The following TAPBPL variants were observed in gnomAD, a reference collection of about 807,000 sequenced individuals.
TAPBPL encodes tapasin-related protein.
A neutral mutation model predicts 44.8 loss-of-function variants in TAPBPL; 32 were observed. That is an observed-to-expected ratio of 0.71 (90% CI 0.54 to 0.96). The LOEUF (loss-of-function observed/expected upper bound fraction) is 0.96, where lower values mean the gene tolerates loss of function less well. TAPBPL is among the 40% of genes least tolerant of loss of function. TAPBPL has a pLI of 0.00. For synonymous variants in TAPBPL, 230 were observed against 240.7 expected (o/e 0.96, Z 0.41); for missense variants, 520 against 586.6 (o/e 0.89, Z 1.17).
chr12:6,460,849 C>G lies in TAPBPL; in HGVS notation c.1208-6C>G. On this transcript the variant is annotated splice_region_variant and splice_polypyrimidine_tract_variant and intron_variant, in intron 5 of 6. Transcript: ENST00000266556. ...TGATCCCCGCCCACGTTGCTCTCAC[C>G]TACAGAGCGGAGAACAGCCTTGGGA... 1 of 1,614,044 alleles carries G rather than the reference C, an allele frequency of 6.2e-7. No homozygotes were observed. Among genetic ancestry groups the G allele is most frequent in the South Asian group, 1.1e-5 (1 of 91,078 alleles).
At chr12:6,465,878 G>T (rs2072375), downstream of TAPBPL, 493,908 of 1,613,972 alleles carry the variant, frequency 0.31, 76,953 homozygotes, top group South Asian at 0.35. Flanking sequence ...TCTTTAGCTT[G>T]GCAGCACTGC....
intron 3 of TAPBPL, among the ~76,000 whole-genome samples, chr12:6,454,929 A>G (rs906131517): frequency 6.6e-6 from 1 of 152,052 alleles, no homozygotes; most frequent in Non-Finnish European, 1.5e-5. Context: ...CAACCGTCCT[A>G]TCCTTGGAAA....
In TAPBPL at chr12:6,462,031, C is replaced by T. The variant is rs537189889; in HGVS notation, c.1292-3C>T. The T allele has an allele frequency of 8.1e-6, 13 of 1,610,614 alleles. No homozygotes were observed. The East Asian group carries it at 2.9e-4, about 36-fold the overall frequency. On this transcript the variant is annotated splice_region_variant and splice_polypyrimidine_tract_variant and intron_variant, in intron 6 of 6. Coordinates refer to ENST00000266556, the MANE Select transcript of TAPBPL (RefSeq NM_018009.5). ...ACTTCCTGTCTTCACTTCCTCTTAC[C>T]AGCACCTACAGGACTTGGGCTGCTT...
downstream of TAPBPL, chr12:6,466,251 G>C: frequency 6.2e-7 from 1 of 1,614,218 alleles, no homozygotes; most frequent in Non-Finnish European, 8.5e-7. Context: ...TGGGTTTGCT[G>C]TAGTCGTCTG....
chr12:6,460,794 G>A (rs996843653), intron 5 of TAPBPL, 61 bp from the exon 6 acceptor site: 1 of 1,557,278 alleles, frequency 6.4e-7, no homozygotes. Context: ...CACTGCAGGT[G>A]AGGGCTCAGC....
rs771249876 is a variant in TAPBPL at position 6,458,849 on chromosome 12, C to T, written c.1109C>T (p.Thr370Ile). The T allele has an allele frequency of 1.7e-5, 28 of 1,614,064 alleles. No individual in the cohort carries two copies. The highest frequency in any genetic ancestry group is 2.2e-5 in the South Asian group (2 of 91,082). The change falls in exon 5 of 7, where the codon ACC becomes ATC. Residue 370 changes from threonine (T) to isoleucine (I), a missense_variant. By Grantham distance (89) the Thr-to-Ile change is moderately conservative. Coordinates refer to ENST00000266556, the MANE Select transcript of TAPBPL (RefSeq NM_018009.5). ...ACCTACAGCATCTCCTCCTCTCTCACCGCAGAACCTGGCTCTGCAGGTGCC... is the reference window on the plus strand; with the variant it reads ...ACCTACAGCATCTCCTCCTCTCTCATCGCAGAACCTGGCTCTGCAGGTGCC... Reference protein sequence around the residue: ...AGTYSISSSLTAEPGSAGATY... With the variant: ...AGTYSISSSLIAEPGSAGATY...
chr12:6,468,881 C>T (rs1370461113), downstream of TAPBPL, among the ~76,000 whole-genome samples: 1 of 152,132 alleles, frequency 6.6e-6, no homozygotes, highest in Non-Finnish European at 1.5e-5. Flanking sequence ...ACAGTAAGAA[C>T]TCCTCAAACA....
In TAPBPL at chr12:6,457,549, T is replaced by C. The variant is rs767049553; in HGVS notation, c.709T>C (p.Leu237=). 12 of 1,614,028 alleles carry C rather than the reference T, an allele frequency of 7.4e-6. No homozygotes were observed. The highest frequency in any genetic ancestry group is 1.6e-4 in the Middle Eastern group (1 of 6,084). The part of the protein sequence containing the change: ...WRLQHKGRGQ[L]VYSWTAGQGQ... ...ACTGCAGCACAAGGGCAGGGGTCAG[T>C]TGGTGTACAGCTGGACCGCAGGGCA... The change falls in exon 4 of 7, where the codon TTG becomes CTG. Residue 237 remains leucine, a synonymous_variant. Coordinates refer to ENST00000266556, the MANE Select transcript of TAPBPL (RefSeq NM_018009.5).
downstream of TAPBPL, chr12:6,470,458 TC>T: frequency 6.2e-7 from 1 of 1,608,598 alleles, no homozygotes; most frequent in Non-Finnish European, 8.5e-7. Flanking sequence ...CCATTTTCCG[TC>T]CCGCAGAATC....
chr12:6,455,185 A>T (rs751370081), intron 3 of TAPBPL, among the ~76,000 whole-genome samples: 1 of 152,182 alleles, frequency 6.6e-6, no homozygotes, highest in East Asian at 1.9e-4. Flanking sequence ...TCATGTGTGT[A>T]TATGTGTACG....
At chr12:6,471,478 C>G (rs1945771043), downstream of TAPBPL, among the ~76,000 whole-genome samples, 1 of 152,154 alleles carries the variant, frequency 6.6e-6, no homozygotes, top group African/African-American at 2.4e-5. This position sits in a 1 kb window ranked among gnomAD's most constrained non-coding sequence, Gnocchi z 4.0. Context: ...ACTATTATCC[C>G]TTTCCTGGAC....
At chr12:6,465,423 T>G (rs7310393), downstream of TAPBPL, 1 of 121,436 alleles carries the variant, frequency 8.2e-6, no homozygotes, top group African/African-American at 3.5e-5. Flanking sequence ...TGTATATATA[T>G]ATATAAATGT....
downstream of TAPBPL, among the ~76,000 whole-genome samples, chr12:6,470,036 A>AG (rs1945730388): frequency 6.6e-6 from 1 of 152,170 alleles, no homozygotes; most frequent in Admixed American, 6.5e-5. Context: ...CACTGCCATG[A>AG]GGGGGGCTAG....
Position 6,457,668 on chromosome 12 carries a change from G to A in TAPBPL, c.828G>A (p.Gln276=). The A allele has an allele frequency of 6.2e-7, 1 of 1,613,842 alleles. No individual in the cohort carries two copies. Among genetic ancestry groups the A allele is most frequent in the Non-Finnish European group, 8.5e-7 (1 of 1,179,810 alleles). The stretch of plus-strand genomic sequence containing the variant: ...TCACCCTGCCCGGCCTCACTATACA[G>A]GACGAGGGGACCTACATTTGCCAGA... The part of the protein sequence containing the change: ...ASLTLPGLTI[Q]DEGTYICQIT... Residue 276 remains glutamine, a synonymous_variant, in exon 4 of 7, where the codon CAG becomes CAA. Coordinates refer to ENST00000266556, the MANE Select transcript of TAPBPL (RefSeq NM_018009.5).
At chr12:6,471,489 T>TC (rs1399717129), downstream of TAPBPL, among the ~76,000 whole-genome samples, 1 of 152,160 alleles carries the variant, frequency 6.6e-6, no homozygotes, top group African/African-American at 2.4e-5. This position sits in a 1 kb window ranked among gnomAD's most constrained non-coding sequence, Gnocchi z 4.0. Context: ...TTTCCTGGAC[T>TC]CCATCAGTTG....
chr12:6,470,483 G>A, downstream of TAPBPL: 2 of 1,613,436 alleles, frequency 1.2e-6, no homozygotes. Context: ...AGCTTGGGGC[G>A]AGAGTTGTCA....
intron 6 of TAPBPL, among the ~76,000 whole-genome samples, chr12:6,461,817 T>G (rs765667858): frequency 6.6e-6 from 1 of 152,172 alleles, no homozygotes; most frequent in Non-Finnish European, 1.5e-5. Flanking sequence ...ACGGTGGAAC[T>G]CAGCATACCA....
At chr12:6,465,253 A>C (rs1949974248), downstream of TAPBPL, 3 of 448,118 alleles carry the variant, frequency 6.7e-6, no homozygotes, top group Non-Finnish European at 1.3e-5. Context: ...TTAACCAATT[A>C]GTTCAATTTT....
downstream of TAPBPL, chr12:6,465,443 T>C (rs1417956614): frequency 7.2e-6 from 1 of 139,682 alleles, no homozygotes; most frequent in African/African-American, 3.2e-5. Context: ...TATATATATG[T>C]ATATATACAT....
Sources: gnomAD v4.1 joint callset for allele counts (sites outside exome capture counted in the v4.1 genomes callset) on GRCh38, gnomAD v4.1.1 for gene constraint, Gnocchi (gnomAD v3.1) non-coding constraint, MANE v1.5 for transcripts, NCBI Gene and HGNC (gene_info 2026-07-23, HGNC 2026-07-21) for gene names.